CAMK2D: variants seen among roughly 807,000 people sequenced by gnomAD.
CAMK2D encodes the protein calcium/calmodulin-dependent protein kinase type II subunit delta.
Under a neutral mutation model 84.0 loss-of-function variants are expected in CAMK2D, and 37 were observed. The observed-to-expected ratio is 0.44, with a 90% CI of 0.34 to 0.58. The LOEUF is 0.58. Among genes scored for constraint, CAMK2D ranks in the 20% least tolerant of loss-of-function variants. The pLI is 0.02. For missense variants in CAMK2D, 448 were observed against 652.5 expected, an observed-to-expected ratio of 0.69 and a Z score of 3.41; for synonymous variants, 202 against 212.5, an observed-to-expected ratio of 0.95 and a Z score of 0.43.
chr4:113,508,096 C>A, intron 13 of CAMK2D: 5 of 624,490 alleles, frequency 8.0e-6, no homozygotes, highest in East Asian at 2.8e-5. Flanking sequence ...AGAGAAGTAC[C>A]GTGTTTTGAT....
chr4:113,466,172 GCTTGAA>G (rs1428957243), intron 16 of CAMK2D, among the ~76,000 whole-genome samples: 1 of 151,862 alleles, frequency 6.6e-6, no homozygotes, highest in Non-Finnish European at 1.5e-5. Context: ...CAAGAGAATT[GCTTGAA>G]CCTGGGAGGT....
At chr4:113,514,434 CAGAAAGTAT>C (rs2098259443) in intron 10 of CAMK2D, among the ~76,000 whole-genome samples, 1 of 151,922 alleles carries the variant, frequency 6.6e-6, no homozygotes, top group Admixed American at 6.6e-5. Context: ...AAAACCAAAC[CAGAAAGTAT>C]AGAAATGAAT....
intron 2 of CAMK2D, among the ~76,000 whole-genome samples, chr4:113,755,640 T>A (rs1431037341): frequency 6.6e-6 from 1 of 151,126 alleles, no homozygotes; most frequent in Non-Finnish European, 1.5e-5. Context: ...AGGTACTATT[T>A]CTAAATTATC....
At chr4:113,587,266 T>C (rs1013228332) in intron 4 of CAMK2D, among the ~76,000 whole-genome samples, 1 of 152,200 alleles carries the variant, frequency 6.6e-6, no homozygotes, top group Non-Finnish European at 1.5e-5. Flanking sequence ...GAGGAGTTCA[T>C]GGTAAGTGCT....
chr4:113,531,247 A>C lies in CAMK2D; in HGVS notation c.570T>G (p.Pro190=). 1.9e-6 allele frequency: 3 copies of C among 1,606,160 alleles called. No individual in the cohort carries two copies. The highest frequency in any genetic ancestry group is 2.6e-6 in the Non-Finnish European group (3 of 1,172,832). Residue 190 remains proline, a synonymous_variant, in exon 8 of 21, where the codon CCT becomes CCG. Coordinates refer to ENST00000511664, the MANE Select transcript of CAMK2D (RefSeq NM_001321571.2). ...CCCACATATCCACTGGCTTTCCATA[A>C]GGATCTTTACGTAAAACTTCTGGAG... The part of the protein sequence containing the change: ...YLSPEVLRKD[P]YGKPVDMWAC...
intron 4 of CAMK2D, among the ~76,000 whole-genome samples, chr4:113,577,356 C>T (rs1561097790): frequency 6.6e-6 from 1 of 152,042 alleles, no homozygotes; most frequent in Admixed American, 6.6e-5. Context: ...ATATGTTGTT[C>T]CATATTTTGG....
At chr4:113,619,957 T>C (rs1386270455) in intron 3 of CAMK2D, among the ~76,000 whole-genome samples, 1 of 152,030 alleles carries the variant, frequency 6.6e-6, no homozygotes, top group East Asian at 1.9e-4. Context: ...AGTAAAGCCA[T>C]GAAGAATGAT....
rs2099361239 is a variant in CAMK2D at position 113,686,858 on chromosome 4, GTA to G, written c.161-25088_161-25087del. ...TTTCTTATTTACAATACAGGTATGT[GTA>G]TACACACACACACACACACACACAC... On this transcript the variant is annotated intron_variant, in intron 2 of 20. Transcript: ENST00000511664. Among the ~76,000 whole-genome samples the G allele has an allele frequency of 3.1e-5, 4 of 127,894 alleles. No individual in the cohort carries two copies. In the South Asian group the frequency reaches 8.3e-4, roughly 26 times the overall value. The allele number at this position is 127,894 out of a possible 152,430, so 83.9% of individuals were successfully genotyped here. A position where few individuals can be genotyped will look rare whatever the true frequency, so the allele number is the denominator to read the frequency against.
At chr4:113,567,702 A>C (rs2098732488) in intron 4 of CAMK2D, among the ~76,000 whole-genome samples, 1 of 152,252 alleles carries the variant, frequency 6.6e-6, no homozygotes, top group Non-Finnish European at 1.5e-5. Context: ...TTAGCTATTT[A>C]GCTGTGTGAC....
intron 7 of CAMK2D, among the ~76,000 whole-genome samples, chr4:113,532,894 G>A (rs954061522): frequency 6.6e-6 from 1 of 151,144 alleles, no homozygotes; most frequent in Non-Finnish European, 1.5e-5. Context: ...CTAACAGAGA[G>A]TGGCTCTAAG....
chr4:113,456,128 C>A (rs905759214), intron 19 of CAMK2D, among the ~76,000 whole-genome samples: 3 of 152,142 alleles, frequency 2.0e-5, no homozygotes, highest in African/African-American at 7.2e-5. Flanking sequence ...TGTTGACCCA[C>A]TTTTTACAAA....
rs2099191251 is a variant in CAMK2D at position 113,654,754 on chromosome 4, T to C, written c.220+6959A>G. Among the ~76,000 whole-genome samples, 3 of 152,050 alleles carry C rather than the reference T, an allele frequency of 2.0e-5. No individual in the cohort carries two copies. In the South Asian group the frequency reaches 6.2e-4, roughly 31 times the overall value. On this transcript the variant is annotated intron_variant, in intron 3 of 20. Coordinates refer to ENST00000511664, the MANE Select transcript of CAMK2D (RefSeq NM_001321571.2). ...CAAATCATATACATTTGGAAAATTT[T>C]AGCTCTCCTAAATATTAAAACAAAA...
chr4:113,690,181 A>C (rs2099382751), intron 2 of CAMK2D, among the ~76,000 whole-genome samples: 1 of 152,150 alleles, frequency 6.6e-6, no homozygotes. Flanking sequence ...AACAAAAGAA[A>C]ATTCTTGAAC....
intron 13 of CAMK2D, 44 bp downstream of exon 13, chr4:113,509,594 C>A: frequency 1.6e-6 from 2 of 1,228,358 alleles, no homozygotes; most frequent in Non-Finnish European, 2.4e-6. Context: ...GATTATCCAG[C>A]ATCTGAAAGT....
intron 16 of CAMK2D, among the ~76,000 whole-genome samples, chr4:113,482,392 T>C (rs184852952): frequency 6.6e-6 from 1 of 152,060 alleles, no homozygotes. Flanking sequence ...AAAGAAAGAC[T>C]AAGGATGATG....
chr4:113,592,619 T>C (rs2098895597), intron 4 of CAMK2D, among the ~76,000 whole-genome samples: 1 of 152,234 alleles, frequency 6.6e-6, no homozygotes, highest in Admixed American at 6.5e-5. Context: ...AGTATGATTT[T>C]TTTTAAAGTT....
intron 2 of CAMK2D, among the ~76,000 whole-genome samples, chr4:113,673,149 CA>C (rs2154327722): frequency 6.6e-6 from 1 of 152,182 alleles, no homozygotes; most frequent in Non-Finnish European, 1.5e-5. Context: ...CTTCACACCA[CA>C]AAAGAGCTTA....
intron 2 of CAMK2D, chr4:113,754,745 G>T (rs955291825): frequency 1.7e-5 from 17 of 980,220 alleles, no homozygotes; most frequent in Non-Finnish European, 2.1e-5. Context: ...TTCATTCAAT[G>T]AAAGAAGAAA....
At chr4:113,588,139 C>T (rs555040002) in intron 4 of CAMK2D, among the ~76,000 whole-genome samples, 4 of 152,064 alleles carry the variant, frequency 2.6e-5, no homozygotes, top group East Asian at 3.9e-4. Flanking sequence ...CATGTATATA[C>T]GTTGCATGTT....
Sources: allele counts gnomAD v4.1 joint callset (sites outside exome capture counted in the v4.1 genomes callset), GRCh38; gene constraint gnomAD v4.1.1; transcripts MANE v1.5; gene names NCBI Gene and HGNC (gene_info 2026-07-23, HGNC 2026-07-21).